PTDSS2: variants seen among roughly 807,000 people sequenced by gnomAD.
The protein encoded by PTDSS2 is phosphatidylserine synthase 2.
PTDSS2 carries 41 observed loss-of-function variants against 64.7 expected under a neutral mutation model. The observed-to-expected ratio is 0.63, with a 90% confidence interval of 0.49 to 0.82. PTDSS2 has a LOEUF of 0.82. Among genes scored for constraint, PTDSS2 ranks in the 40% least tolerant of loss-of-function variants. The pLI is 0.00. For missense variants in PTDSS2, 485 were observed against 650.0 expected (o/e 0.75, Z 2.76); for synonymous variants, 297 against 277.8 (o/e 1.07, Z -0.69).
At chr11:459,940 C>T in intron 1 of PTDSS2, 1 of 511,608 alleles carries the variant, frequency 2.0e-6, no homozygotes, top group Non-Finnish European at 3.5e-6. Flanking sequence ...CGGCCTTCAG[C>T]TTCCCAGGAA....
intron 2 of PTDSS2, among the ~76,000 whole-genome samples, chr11:472,911 G>A (rs762775102): frequency 2.0e-5 from 3 of 152,210 alleles, no homozygotes. Context: ...CTGTCGGCAC[G>A]GCACTGCCGA....
intron 1 of PTDSS2, among the ~76,000 whole-genome samples, chr11:456,600 T>C (rs958785413): frequency 6.6e-6 from 1 of 152,190 alleles, no homozygotes; most frequent in Non-Finnish European, 1.5e-5. Context: ...ACAAGGGGAC[T>C]CCTGGGCCCC....
chr11:449,325 C>T (rs1370141259), upstream of PTDSS2, among the ~76,000 whole-genome samples: 3 of 152,220 alleles, frequency 2.0e-5, no homozygotes, highest in Non-Finnish European at 4.4e-5. Flanking sequence ...GCCTTGGCCT[C>T]CCAAAGTGCT....
At chr11:464,883 A>G (rs751527495) in intron 2 of PTDSS2, among the ~76,000 whole-genome samples, 1 of 152,244 alleles carries the variant, frequency 6.6e-6, no homozygotes, top group Non-Finnish European at 1.5e-5. Context: ...ATAAAACATA[A>G]TGCATATAAA....
chr11:473,031 C>T (rs939768839), intron 2 of PTDSS2, among the ~76,000 whole-genome samples: 1 of 152,224 alleles, frequency 6.6e-6, no homozygotes, highest in Non-Finnish European at 1.5e-5. Flanking sequence ...AGAGCGCGTC[C>T]GCAGAGCGGG....
intron 1 of PTDSS2, among the ~76,000 whole-genome samples, chr11:456,251 C>T (rs1464908490): frequency 2.1e-5 from 3 of 144,228 alleles, no homozygotes; most frequent in Non-Finnish European, 4.5e-5. Context: ...CAGCTTACTG[C>T]GGTCCCCGAC....
rs1337575202 is a variant in PTDSS2, at chr11:461,962, C to T, written c.284+1674C>T. Among the ~76,000 whole-genome samples the T allele has an allele frequency of 1.3e-5, 2 of 152,166 alleles. No homozygotes were observed. Among genetic ancestry groups the T allele is most frequent in the Non-Finnish European group, 2.9e-5 (2 of 68,010 alleles). ...GGACTTGGTCTTTCTTGAATTCATC[C>T]ATCAGCACCTGGCTAGGAGGGTCTG... On this transcript the variant is annotated intron_variant, in intron 2 of 11. Coordinates refer to ENST00000308020, the MANE Select transcript of PTDSS2 (RefSeq NM_030783.3). The surrounding 1 kb of genome is among the most constrained non-coding windows in gnomAD (Gnocchi z 4.2).
intron 3 of PTDSS2, among the ~76,000 whole-genome samples, chr11:475,223 AT>A (rs1847713781): frequency 1.5e-5 from 1 of 67,566 alleles, no homozygotes; most frequent in African/African-American, 7.4e-5. Flanking sequence ...CTTTGTGTAT[AT>A]GGACATGTTC....
At chr11:465,616 T>C (rs759582132) in intron 2 of PTDSS2, among the ~76,000 whole-genome samples, 3 of 152,192 alleles carry the variant, frequency 2.0e-5, no homozygotes, top group African/African-American at 7.2e-5. Context: ...ACTTGATCAA[T>C]TGGACTTCAT....
At chr11:451,638 T>TG (rs755314470) in intron 1 of PTDSS2, 22 of 233,650 alleles carry the variant, frequency 9.4e-5, no homozygotes, top group Non-Finnish European at 1.8e-4. Flanking sequence ...AACCATGCTG[T>TG]GGGATGGTCG....
At position 461,783 on chromosome 11, in the gene PTDSS2, A is replaced by G. The variant is rs1846896748; in HGVS notation, c.284+1495A>G. On this transcript the variant is annotated intron_variant, in intron 2 of 11. Coordinates refer to ENST00000308020, the MANE Select transcript of PTDSS2 (RefSeq NM_030783.3). This position sits in a 1 kb window ranked among gnomAD's most constrained non-coding sequence, Gnocchi z 4.2. ...TGCAGAACCTGCAGGCCCGGTGTGC[A>G]CTGTGTAACTAGGCTCCAGAAATAG... Among the ~76,000 whole-genome samples the G allele has an allele frequency of 6.6e-6, 1 of 152,080 alleles. No individual in the cohort carries two copies. The highest frequency in any genetic ancestry group is 2.4e-5 in the African/African-American group (1 of 41,414).
rs202041112 is a variant in PTDSS2, at chr11:465,758, C to CA, written c.284+5470_284+5471insA. ...TGGGCAACATAGTGAGGACCACCCC[C>CA]CCCCCATCTCTACTAAAAATTAGGA... On this transcript the variant is annotated intron_variant, in intron 2 of 11. Coordinates refer to ENST00000308020, the MANE Select transcript of PTDSS2 (RefSeq NM_030783.3). Among the ~76,000 whole-genome samples the CA allele has an allele frequency of 6.2e-4, 94 of 150,852 alleles. 4 individuals carry two copies. The East Asian group carries it at 0.015, about 24-fold the overall frequency.
rs568233449 is a variant in PTDSS2 at position 490,068 on chromosome 11, G to A, written c.1301G>A (p.Arg434Gln). The change falls in exon 11 of 12, where the codon CGG (arginine) becomes CAG (glutamine). Residue 434 changes from arginine (R) to glutamine (Q), a missense_variant and splice_region_variant. Physicochemically the swap from Arg to Gln is conservative, Grantham distance 43 (BLOSUM62 1). Coordinates refer to ENST00000308020, the MANE Select transcript of PTDSS2 (RefSeq NM_030783.3). Reference sequence around the variant, plus strand: ...TGGACCGTCTGGCGCTTCTTCCTGCGGTGAGTCAGGGCAGGGCGCGTATGT... The same window carrying A: ...TGGACCGTCTGGCGCTTCTTCCTGCAGTGAGTCAGGGCAGGGCGCGTATGT... ...LTWTVWRFFL[R>Q]DITLRYKETR... The A allele has an allele frequency of 4.2e-5, 67 of 1,604,478 alleles. No individual in the cohort carries two copies. Among genetic ancestry groups the A allele is most frequent in the Non-Finnish European group, 4.9e-5 (58 of 1,178,558 alleles).
At position 490,621 on chromosome 11, in the gene PTDSS2, G is replaced by C. The variant is rs963678331; in HGVS notation, c.*39G>C. The C allele has an allele frequency of 6.6e-7, 1 of 1,526,702 alleles. No homozygotes were observed. Among genetic ancestry groups the C allele is most frequent in the Non-Finnish European group, 8.8e-7 (1 of 1,132,342 alleles). The allele number at this position is 1,526,702 out of a possible 1,614,324, so 94.6% of individuals were successfully genotyped here. A position where few individuals can be genotyped will look rare whatever the true frequency, so the allele number is the denominator to read the frequency against. On this transcript the variant is annotated 3_prime_UTR_variant, in exon 12 of 12. Coordinates refer to ENST00000308020, the MANE Select transcript of PTDSS2 (RefSeq NM_030783.3). ...TGCCTCGTGAGCCTCCCAGAGCCCAGGCCTCCGTGGCCTCCTCCTGTGTGA... is the reference window on the plus strand; with the variant it reads ...TGCCTCGTGAGCCTCCCAGAGCCCACGCCTCCGTGGCCTCCTCCTGTGTGA...
At position 489,752 on chromosome 11, in the gene PTDSS2, C is replaced by G; in HGVS notation, c.1115+19C>G. ...ATGACCCGTGAGGGCTGCGGCAGTC[C>G]GGGTGGAGACACCCCCGGGGGGCAG... On this transcript the variant is annotated intron_variant, in intron 10 of 11. Transcript: ENST00000308020. The G allele has an allele frequency of 6.2e-7, 1 of 1,603,308 alleles. No individual in the cohort carries two copies. The highest frequency in any genetic ancestry group is 2.3e-5 in the East Asian group (1 of 44,432).
intron 3 of PTDSS2, among the ~76,000 whole-genome samples, chr11:477,623 C>T (rs12794284): frequency 0.098 from 14,972 of 152,256 alleles, 1,023 homozygotes; most frequent in Admixed American, 0.19. Flanking sequence ...TTCGACTTGG[C>T]AGTGCGGGGA....
At position 479,408 on chromosome 11, in the gene PTDSS2, G is replaced by C. The variant is rs1847969415; in HGVS notation, c.435+256G>C. The C allele has an allele frequency of 1.7e-6, 1 of 573,416 alleles. No homozygotes were observed. The allele number at this position is 573,416 out of a possible 1,614,324, so 35.5% of individuals were successfully genotyped here. Reference sequence around the variant, plus strand: ...GCCTCCAGGAGCATCTGCTGGTGGGGCGCTGACTGTGGCCATTTAGCAGGG... The same window carrying C: ...GCCTCCAGGAGCATCTGCTGGTGGGCCGCTGACTGTGGCCATTTAGCAGGG... On this transcript the variant is annotated intron_variant, in intron 4 of 11. Transcript: ENST00000308020. This position sits in a 1 kb window ranked among gnomAD's most constrained non-coding sequence, Gnocchi z 4.2.
intron 4 of PTDSS2, among the ~76,000 whole-genome samples, chr11:485,029 G>A (rs1235928418): frequency 7.7e-5 from 11 of 143,328 alleles, no homozygotes; most frequent in East Asian, 2.1e-4. Context: ...GTGCACGGGC[G>A]CGTGTGTGCT....
chr11:450,737 T>G, intron 1 of PTDSS2, 100 bp downstream of exon 1: 1 of 1,056,268 alleles, frequency 9.5e-7, no homozygotes, highest in Non-Finnish European at 1.2e-6. Flanking sequence ...TCTCGCCGTC[T>G]TGGAGTCCAG....
Sources: allele counts gnomAD v4.1 joint callset (sites outside exome capture counted in the v4.1 genomes callset), GRCh38; gene constraint gnomAD v4.1.1; non-coding constraint Gnocchi (gnomAD v3.1); transcripts MANE v1.5; gene names NCBI Gene and HGNC (gene_info 2026-07-23, HGNC 2026-07-21).